Variants in COMMD1 observed in about 807,000 individuals in gnomAD.
COMMD1 encodes the protein copper metabolism domain containing 1, also known as COMM domain-containing protein 1.
A neutral mutation model predicts 17.2 loss-of-function variants in COMMD1; 10 were observed. That is an observed-to-expected ratio of 0.58 (90% CI 0.36 to 0.99). The LOEUF is 0.99. COMMD1 is among the 50% of genes least tolerant of loss of function. The pLI is 0.01. For synonymous variants in COMMD1, 97 were observed against 91.6 expected (o/e 1.06, Z -0.34); for missense variants, 270 against 231.8 (o/e 1.17, Z -1.07).
At chr2:62,118,003 G>A (rs536456799) in intron 2 of COMMD1, among the ~76,000 whole-genome samples, 2 of 152,110 alleles carry the variant, frequency 1.3e-5, no homozygotes, top group Admixed American at 6.5e-5. Context: ...CCTACTCTGC[G>A]TTTTGTAAAG....
chr2:61,969,459 GTGT>G (rs1346799278), intron 1 of COMMD1, among the ~76,000 whole-genome samples: 1 of 152,160 alleles, frequency 6.6e-6, no homozygotes, highest in African/African-American at 2.4e-5. Context: ...CAACTTGGCA[GTGT>G]TGTATATTTT....
chr2:61,966,073 A>G (rs1190497619), intron 1 of COMMD1, among the ~76,000 whole-genome samples: 1 of 152,232 alleles, frequency 6.6e-6, no homozygotes, highest in Non-Finnish European at 1.5e-5. Context: ...CTGTTTTGAA[A>G]TTGTGAATGT....
rs116440470 is a variant in COMMD1, at chr2:62,094,268, C to T, written c.463-41563C>T. ...ACCTCATAAGAGGCAAAGCAGCTAA[C>T]AGAATAGTGTTGAGTGTAGTGAGAG... On this transcript the variant is annotated intron_variant, in intron 2 of 2. Transcript: ENST00000311832. 2.4e-3 allele frequency among the ~76,000 whole-genome samples: 372 copies of T among 152,256 alleles called. 1 individual carries two copies. The Middle Eastern group carries it at 0.041, about 17-fold the overall frequency.
chr2:61,888,768 G>A (rs1046010700), exon 1 of COMMD1: 3 of 516,104 alleles, frequency 5.8e-6, no homozygotes, highest in Admixed American at 7.4e-5. Flanking sequence ...TACGCCCGGG[G>A]CGCTGTGGGT....
intron 2 of COMMD1, among the ~76,000 whole-genome samples, chr2:62,115,852 CTTTCTTTCTTT>C (rs1450878940): frequency 3.0e-5 from 3 of 100,272 alleles, no homozygotes; most frequent in African/African-American, 1.3e-4. Context: ...TTCTTTCTTT[CTTTCTTTCTTT>C]TTTTTTTTTT....
At chr2:61,940,093 G>C (rs187932371) in intron 1 of COMMD1, among the ~76,000 whole-genome samples, 19 of 152,130 alleles carry the variant, frequency 1.2e-4, no homozygotes, top group Non-Finnish European at 1.9e-4. Context: ...TAGTCCAGCA[G>C]TTGTTATTGG....
At chr2:61,913,576 GGCTCTACTAAAAATTA>G (rs1180264443) in intron 1 of COMMD1, among the ~76,000 whole-genome samples, 24 of 150,074 alleles carry the variant, frequency 1.6e-4, no homozygotes, top group African/African-American at 4.1e-4. Context: ...ACTAAAAATT[GGCTCTACTAAAAATTA>G]GCTCTACTAA....
intron 1 of COMMD1, among the ~76,000 whole-genome samples, chr2:61,929,609 C>A (rs1670413065): frequency 6.6e-6 from 1 of 152,192 alleles, no homozygotes; most frequent in Non-Finnish European, 1.5e-5. Flanking sequence ...TCTACACTTC[C>A]TTATGAAAGC....
intron 1 of COMMD1, among the ~76,000 whole-genome samples, chr2:61,921,413 T>G (rs1044800511): frequency 5.3e-5 from 8 of 152,226 alleles, no homozygotes; most frequent in African/African-American, 1.9e-4. Flanking sequence ...TCATTGTTTC[T>G]GAGAACTAGA....
chr2:62,119,983 A>T (rs1347708706), intron 2 of COMMD1, among the ~76,000 whole-genome samples: 8 of 151,634 alleles, frequency 5.3e-5, no homozygotes, highest in Admixed American at 3.3e-4. Context: ...TATTTTTTTT[A>T]TTATTATTCT....
At chr2:61,907,600 C>T (rs1236557109) in intron 1 of COMMD1, among the ~76,000 whole-genome samples, 3 of 152,042 alleles carry the variant, frequency 2.0e-5, no homozygotes, top group Non-Finnish European at 4.4e-5. Flanking sequence ...GGCTACTTCT[C>T]CTCTCTAGGT....
intron 1 of COMMD1, among the ~76,000 whole-genome samples, chr2:61,977,669 T>C (rs925163452): frequency 3.3e-5 from 5 of 152,054 alleles, no homozygotes; most frequent in African/African-American, 1.2e-4. Flanking sequence ...GGTAAAAATA[T>C]AGAATTGTTT....
At chr2:61,890,899 T>C (rs1669415108) in intron 1 of COMMD1, among the ~76,000 whole-genome samples, 1 of 151,896 alleles carries the variant, frequency 6.6e-6, no homozygotes. Context: ...TGAGGCCGAC[T>C]TCTCTTCAGA....
At chr2:61,947,699 A>G (rs1003011825) in intron 1 of COMMD1, among the ~76,000 whole-genome samples, 3 of 150,474 alleles carry the variant, frequency 2.0e-5, no homozygotes, top group Non-Finnish European at 4.4e-5. Flanking sequence ...AACAAACAAA[A>G]AAAATTTTTT....
upstream of COMMD1, among the ~76,000 whole-genome samples, chr2:61,903,128 G>T (rs1260881180): frequency 1.3e-5 from 2 of 152,146 alleles, no homozygotes; most frequent in East Asian, 3.9e-4. Context: ...TTTAGGAAAA[G>T]AAATATATTT....
rs143205759 is a variant in COMMD1 at position 62,095,807 on chromosome 2, C to CAT, written c.463-40011_463-40010dup. Among the ~76,000 whole-genome samples, 45 of 67,922 alleles carry CAT rather than the reference C, an allele frequency of 6.6e-4. 7 individuals carry two copies. The highest frequency in any genetic ancestry group is 3.9e-3 in the East Asian group (13 of 3,352). The allele number at this position is 67,922 out of a possible 152,430, so 44.6% of individuals were successfully genotyped here. ...TTGTGTAGTCAAGTTTCACAGCATGCATATATATATATATGCATATCAGGG... is the reference window on the plus strand; with the variant it reads ...TTGTGTAGTCAAGTTTCACAGCATGCATATATATATATATATGCATATCAGGG... On this transcript the variant is annotated intron_variant, in intron 2 of 2. Transcript: ENST00000311832.
intron 2 of COMMD1, among the ~76,000 whole-genome samples, chr2:62,131,014 T>G (rs1673015496): frequency 6.6e-6 from 1 of 152,176 alleles, no homozygotes; most frequent in Admixed American, 6.5e-5. Flanking sequence ...AAGGAGTTCA[T>G]TAGGAATATG....
chr2:61,897,014 G>A (rs985046982), intron 1 of COMMD1, among the ~76,000 whole-genome samples: 2 of 151,860 alleles, frequency 1.3e-5, no homozygotes, highest in Non-Finnish European at 2.9e-5. Flanking sequence ...GTTTTTAGTA[G>A]AGATGGGGTT....
chr2:62,016,589 G>A (rs1175837358), intron 2 of COMMD1, among the ~76,000 whole-genome samples: 2 of 151,110 alleles, frequency 1.3e-5, no homozygotes, highest in African/African-American at 2.4e-5. Context: ...TTGAGTTGTA[G>A]GAGTTTTTTT....
Sources: allele counts gnomAD v4.1 joint callset (sites outside exome capture counted in the v4.1 genomes callset), GRCh38; gene constraint gnomAD v4.1.1; transcripts MANE v1.5; gene names NCBI Gene and HGNC (gene_info 2026-07-23, HGNC 2026-07-21).